Variants in LINGO2 observed in about 807,000 individuals in gnomAD.
LINGO2 encodes the protein leucine-rich repeat and immunoglobulin-like domain-containing nogo receptor-interacting protein 2.
In LINGO2, 14 loss-of-function variants were observed where a neutral mutation model predicts 30.6. The ratio of observed to expected loss-of-function variants is 0.46; its 90% CI spans 0.30 to 0.72. The LOEUF is 0.72. Among genes scored for constraint, LINGO2 ranks in the 30% least tolerant of loss-of-function variants. LINGO2 has a pLI of 0.07. For synonymous variants in LINGO2, 317 were observed against 288.5 expected, an observed-to-expected ratio of 1.10 and a Z score of -1.00; for missense variants, 729 against 751.7, an observed-to-expected ratio of 0.97 and a Z score of 0.35.
At chr9:28,324,519 C>G (rs990710133) in intron 3 of LINGO2, among the ~76,000 whole-genome samples, 1 of 152,186 alleles carries the variant, frequency 6.6e-6, no homozygotes, top group Non-Finnish European at 1.5e-5. Flanking sequence ...GATAAAATAG[C>G]CTGTGGTAAA....
chr9:28,265,140 C>T (rs954498090), intron 4 of LINGO2, among the ~76,000 whole-genome samples: 3 of 151,392 alleles, frequency 2.0e-5, no homozygotes, highest in Non-Finnish European at 4.4e-5. Context: ...AAACAAATAT[C>T]TTCATATATG....
intron 1 of LINGO2, among the ~76,000 whole-genome samples, chr9:28,637,781 A>T (rs1396032700): frequency 6.6e-6 from 1 of 152,106 alleles, no homozygotes; most frequent in Non-Finnish European, 1.5e-5. Flanking sequence ...GGACAATTTG[A>T]CTTCCTCTTT....
chr9:27,948,617 A>C, exon 6 of LINGO2: 1 of 460,356 alleles, frequency 2.2e-6, no homozygotes, highest in Non-Finnish European at 3.8e-6. Flanking sequence ...CCAGAACGCC[A>C]ATATTTGCAA....
At chr9:28,349,553 G>C (rs1488171429) in intron 3 of LINGO2, among the ~76,000 whole-genome samples, 1 of 125,450 alleles carries the variant, frequency 8.0e-6, no homozygotes, top group East Asian at 2.1e-4. Context: ...GGGGAGAATG[G>C]AACCAAGTTG....
At chr9:29,090,945 A>T in the LINGO2 span, among the ~76,000 whole-genome samples, 2 of 152,190 alleles carry the variant, frequency 1.3e-5, no homozygotes, top group Admixed American at 6.6e-5. Flanking sequence ...TCCACAAGAA[A>T]CATCAGCTGA....
In LINGO2 at chr9:28,148,510, A is replaced by C. The variant is rs995757374; in HGVS notation, c.-86-136105T>G. On this transcript the variant is annotated intron_variant, in intron 4 of 5. Transcript: ENST00000379992. The surrounding 1 kb of genome is among the most constrained non-coding windows in gnomAD (Gnocchi z 5.1). ...AGACCCAGGGGCAGGAGGACAATAA[A>C]AGGGGCCCCTGTAGCAATGGGGAAG... The C allele has an allele frequency of 1.3e-5, 19 of 1,471,934 alleles. No individual in the cohort carries two copies. In the African/African-American group the frequency reaches 2.4e-4, roughly 18 times the overall value. The allele number at this position is 1,471,934 out of a possible 1,614,324, so 91.2% of individuals were successfully genotyped here.
chr9:29,159,176 A>T, the LINGO2 span, among the ~76,000 whole-genome samples: 1 of 152,142 alleles, frequency 6.6e-6, no homozygotes, highest in African/African-American at 2.4e-5. Context: ...AAAAAGATGG[A>T]CTGGAACCCT....
intron 4 of LINGO2, among the ~76,000 whole-genome samples, chr9:28,164,440 A>G (rs1828371232): frequency 6.6e-6 from 1 of 152,182 alleles, no homozygotes; most frequent in South Asian, 2.1e-4. Flanking sequence ...AGATCTGGAA[A>G]CTTTTATCTC....
intron 4 of LINGO2, among the ~76,000 whole-genome samples, chr9:28,176,386 C>T (rs1310037585): frequency 2.0e-5 from 3 of 152,168 alleles, no homozygotes; most frequent in Non-Finnish European, 4.4e-5. Context: ...CACCATGGTA[C>T]TTTGTCTATA....
intron 1 of LINGO2, among the ~76,000 whole-genome samples, chr9:28,540,301 C>G (rs1412916744): frequency 6.6e-6 from 1 of 150,996 alleles, no homozygotes; most frequent in African/African-American, 2.4e-5. Flanking sequence ...TCTCTGTTAC[C>G]CAGGCTGGAA....
chr9:28,774,948 A>C, the LINGO2 span, among the ~76,000 whole-genome samples: 1 of 151,580 alleles, frequency 6.6e-6, no homozygotes, highest in Non-Finnish European at 1.5e-5. Flanking sequence ...AAGACCACAC[A>C]GGAACAAATC....
chr9:28,528,955 A>G (rs959958660), intron 1 of LINGO2, among the ~76,000 whole-genome samples: 8 of 152,160 alleles, frequency 5.3e-5, no homozygotes, highest in African/African-American at 1.9e-4. Context: ...GTCACTAAGG[A>G]TTAAGTGTTA....
the LINGO2 span, among the ~76,000 whole-genome samples, chr9:28,928,948 T>C: frequency 6.6e-6 from 1 of 152,048 alleles, no homozygotes; most frequent in South Asian, 2.1e-4. Context: ...AAACAGCATG[T>C]GAATAGGTCA....
chr9:27,973,732 A>G lies in LINGO2; in HGVS notation c.-35-23026T>C, dbSNP rs532705007. Among the ~76,000 whole-genome samples the G allele has an allele frequency of 2.6e-5, 4 of 152,218 alleles. No homozygotes were observed. In the South Asian group the frequency reaches 8.3e-4, roughly 32 times the overall value. On this transcript the variant is annotated intron_variant, in intron 5 of 5. Transcript: ENST00000379992. ...GAGTACCTGGGCGTCCTTGAAGACC[A>G]CTTGAAGATTCTAGTATTGCCATTG...
chr9:28,503,418 T>C (rs7019458), intron 1 of LINGO2, among the ~76,000 whole-genome samples: 123,264 of 152,016 alleles, frequency 0.81, 50,145 homozygotes, highest in Middle Eastern at 0.86. Context: ...GTGGAACACA[T>C]GTTTAGCTAT....
chr9:28,483,546 GA>G (rs1008383026), intron 1 of LINGO2, among the ~76,000 whole-genome samples: 263 of 143,016 alleles, frequency 1.8e-3, no homozygotes, highest in East Asian at 3.8e-3. Context: ...TTAGTGACAG[GA>G]AAAAAAAAAA....
At chr9:28,867,485 A>T in the LINGO2 span, among the ~76,000 whole-genome samples, 2 of 144,920 alleles carry the variant, frequency 1.4e-5, no homozygotes, top group Non-Finnish European at 1.5e-5. Flanking sequence ...TCAAGTAAAG[A>T]AAAAAAAAAA....
At chr9:28,577,873 C>T (rs1448335724) in intron 1 of LINGO2, among the ~76,000 whole-genome samples, 2 of 152,110 alleles carry the variant, frequency 1.3e-5, no homozygotes, top group East Asian at 3.9e-4. Flanking sequence ...AAACTGTGAG[C>T]AGATTTTCAC....
chr9:28,100,580 T>C (rs772603840), intron 4 of LINGO2, among the ~76,000 whole-genome samples: 7 of 152,190 alleles, frequency 4.6e-5, no homozygotes, highest in African/African-American at 9.6e-5. Flanking sequence ...GTGTTCAGTA[T>C]GTAGAAGAAG....
Sources: gnomAD v4.1 joint callset for allele counts (sites outside exome capture counted in the v4.1 genomes callset) on GRCh38, gnomAD v4.1.1 for gene constraint, Gnocchi (gnomAD v3.1) non-coding constraint, MANE v1.5 for transcripts, NCBI Gene and HGNC (gene_info 2026-07-23, HGNC 2026-07-21) for gene names.